The following ST7 variants were observed in gnomAD, a reference collection of about 807,000 sequenced individuals.
ST7 encodes suppression of tumorigenicity 7, also known as suppressor of tumorigenicity 7 protein.
Under a neutral mutation model 78.7 loss-of-function variants are expected in ST7, and 28 were observed. The ratio of observed to expected loss-of-function variants is 0.36; its 90% CI spans 0.26 to 0.49. The LOEUF is 0.49. Among genes scored for constraint, ST7 ranks in the 20% least tolerant of loss-of-function variants. ST7 has a pLI of 0.99. For missense variants in ST7, 418 were observed against 696.0 expected (o/e 0.60, Z 4.49); for synonymous variants, 247 against 249.6 (o/e 0.99, Z 0.10).
At chr7:117,220,643 C>T (rs1352288198) in intron 14 of ST7, among the ~76,000 whole-genome samples, 4 of 152,186 alleles carry the variant, frequency 2.6e-5, no homozygotes, top group African/African-American at 9.6e-5. Flanking sequence ...TAATTGAATG[C>T]AGTGCTCCAA....
intron 13 of ST7, among the ~76,000 whole-genome samples, chr7:117,218,051 A>T (rs1792824104): frequency 6.6e-6 from 1 of 152,234 alleles, no homozygotes; most frequent in Non-Finnish European, 1.5e-5. Flanking sequence ...TATGCAAAAG[A>T]TAAATATGTA....
intron 9 of ST7, among the ~76,000 whole-genome samples, chr7:117,141,148 G>A (rs575262987): frequency 6.6e-6 from 1 of 152,306 alleles, no homozygotes; most frequent in African/African-American, 2.4e-5. Context: ...CCTGCTGATA[G>A]AGGCTTAGGC....
chr7:117,157,985 A>T lies in ST7; in HGVS notation c.964-12877A>T, dbSNP rs144336775. Among the ~76,000 whole-genome samples, 596 of 152,356 alleles carry T rather than the reference A, an allele frequency of 3.9e-3. 11 individuals are homozygous for T. The highest frequency in any genetic ancestry group is 0.033 in the Admixed American group (499 of 15,310). On this transcript the variant is annotated intron_variant, in intron 9 of 15. Transcript: ENST00000323984. ...AAATCGTTCTTTTCCCCAAGACAGCATGAGACCAGCTTCTTTCCTGCCCTC... is the reference window on the plus strand; with the variant it reads ...AAATCGTTCTTTTCCCCAAGACAGCTTGAGACCAGCTTCTTTCCTGCCCTC...
At chr7:116,986,562 A>C (rs1242036338) in intron 1 of ST7, among the ~76,000 whole-genome samples, 1 of 152,228 alleles carries the variant, frequency 6.6e-6, no homozygotes, top group Non-Finnish European at 1.5e-5. Context: ...TTATTATTTA[A>C]AAAAATCACT....
chr7:117,020,489 C>G (rs1302738659), intron 1 of ST7: 1 of 1,244,856 alleles, frequency 8.0e-7, no homozygotes, highest in East Asian at 2.5e-5. Context: ...GCTTCATGAC[C>G]CCTGCTGTGT....
intron 1 of ST7, among the ~76,000 whole-genome samples, chr7:117,001,100 G>A (rs1463406373): frequency 6.6e-6 from 1 of 152,204 alleles, no homozygotes; most frequent in African/African-American, 2.4e-5. Context: ...AGCAGCAGCA[G>A]TGAAACCGGC....
chr7:117,047,454 G>A (rs1584516497), intron 1 of ST7, among the ~76,000 whole-genome samples: 1 of 152,178 alleles, frequency 6.6e-6, no homozygotes, highest in South Asian at 2.1e-4. Context: ...CTGTCTGGAG[G>A]GCCCTTTGAT....
chr7:117,138,389 ATT>A (rs753380207), intron 8 of ST7, 44 bp from the exon 9 acceptor site: 5,471 of 1,089,410 alleles, frequency 5.0e-3, no homozygotes, highest in South Asian at 7.5e-3. Flanking sequence ...GGGCCTCTGT[ATT>A]TTTTTTTTTT....
At position 117,152,177 on chromosome 7, in the gene ST7, C is replaced by CTATATATA. The variant is rs58892731; in HGVS notation, c.963+13684_963+13691dup. On this transcript the variant is annotated intron_variant, in intron 9 of 15. Transcript: ENST00000323984. ...AATATATGTATTATATATATAAAAA[C>CTATATATA]TATATATATATATATATATATATAT... Among the ~76,000 whole-genome samples, 122 of 66,800 alleles carry CTATATATA rather than the reference C, an allele frequency of 1.8e-3. 2 individuals are homozygous for CTATATATA. The highest frequency in any genetic ancestry group is 2.9e-3 in the South Asian group (4 of 1,356). 43.8% of individuals were successfully genotyped at this position (66,800 alleles called of 152,430 possible).
At chr7:116,963,849 T>C (rs1792962854) in intron 1 of ST7, among the ~76,000 whole-genome samples, 1 of 152,066 alleles carries the variant, frequency 6.6e-6, no homozygotes, top group South Asian at 2.1e-4. Context: ...GCCAGGGTGG[T>C]CTCAAACTCC....
rs191131124 is a variant in ST7 at position 117,191,308 on chromosome 7, T to A, written c.1254+372T>A. ...TAAATGTTGTTGTGAATAAAACTGG[T>A]AAAAAAAAAATACTAATGTGGCATT... On this transcript the variant is annotated intron_variant, in intron 12 of 15. Transcript: ENST00000323984. 3.4e-3 allele frequency among the ~76,000 whole-genome samples: 502 copies of A among 149,428 alleles called. 11 individuals carry two copies. The highest frequency in any genetic ancestry group is 1.1e-3 in the Non-Finnish European group (74 of 67,252).
Position 116,967,557 on chromosome 7 carries a change from G to A in ST7, c.151+13866G>A, listed in dbSNP as rs187356854. 1.3e-4 allele frequency: 46 copies of A among 360,256 alleles called. No individual in the cohort carries two copies. The Admixed American group carries it at 1.4e-3, about 11-fold the overall frequency. The allele number at this position is 360,256 out of a possible 1,614,324, so 22.3% of individuals were successfully genotyped here. A position where few individuals can be genotyped will look rare whatever the true frequency, so the allele number is the denominator to read the frequency against. ...TTCCATTCTTGAATTACTGACCTGCGATAAAAAATGATGGCGCCCTTACCA... is the reference window on the plus strand; with the variant it reads ...TTCCATTCTTGAATTACTGACCTGCAATAAAAAATGATGGCGCCCTTACCA... On this transcript the variant is annotated intron_variant, in intron 1 of 15. Coordinates refer to ENST00000323984, the MANE Select transcript of ST7 (RefSeq NM_001369598.1).
At chr7:117,132,092 T>C in intron 6 of ST7, 132 bp downstream of exon 6, 1 of 905,414 alleles carries the variant, frequency 1.1e-6, no homozygotes, top group South Asian at 1.9e-5. Context: ...TATTACTCTA[T>C]TTAAAAAAGT....
intron 1 of ST7, among the ~76,000 whole-genome samples, chr7:117,087,914 C>G (rs565728406): frequency 3.3e-5 from 5 of 152,124 alleles, no homozygotes; most frequent in Non-Finnish European, 5.9e-5. Flanking sequence ...CACACTCTAC[C>G]CCATTGCTAC....
chr7:117,102,619 ACTT>A (rs1801648043), intron 2 of ST7, among the ~76,000 whole-genome samples: 1 of 152,190 alleles, frequency 6.6e-6, no homozygotes, highest in Non-Finnish European at 1.5e-5. Context: ...GAGGCAATAT[ACTT>A]ATTATTTAGA....
chr7:117,010,929 G>C (rs1393276906), intron 1 of ST7, among the ~76,000 whole-genome samples: 1 of 152,166 alleles, frequency 6.6e-6, no homozygotes, highest in African/African-American at 2.4e-5. Context: ...GAGAAAGAGA[G>C]GAGAGCTATG....
chr7:117,167,399 A>C (rs1179493424), intron 9 of ST7, among the ~76,000 whole-genome samples: 1 of 151,714 alleles, frequency 6.6e-6, no homozygotes, highest in Admixed American at 6.6e-5. Flanking sequence ...GGCTGTAGGG[A>C]GAAGAGGGTG....
Position 117,108,840 on chromosome 7 carries a change from TA to T in ST7, c.234+8997del, listed in dbSNP as rs557254190. Among the ~76,000 whole-genome samples, 80 of 152,328 alleles carry T rather than the reference TA, an allele frequency of 5.3e-4. 1 individual carries two copies. The highest frequency in any genetic ancestry group is 1.8e-3 in the African/African-American group (75 of 41,574). Reference sequence around the variant, plus strand: ...TTAAGTGTATTCCTAAGTATTTTTTTATTTTTTTATTTTTACAGCTACTGTA... The same window carrying T: ...TTAAGTGTATTCCTAAGTATTTTTTTTTTTTTTATTTTTACAGCTACTGTA... On this transcript the variant is annotated intron_variant, in intron 2 of 15. Transcript: ENST00000323984.
At chr7:117,043,080 A>ATG in intron 1 of ST7, among the ~76,000 whole-genome samples, 1 of 152,338 alleles carries the variant, frequency 6.6e-6, no homozygotes, top group East Asian at 1.9e-4. Context: ...TTTAGAACTA[A>ATG]TGTAATCCAT....
Sources: gnomAD v4.1 joint callset for allele counts (sites outside exome capture counted in the v4.1 genomes callset) on GRCh38, gnomAD v4.1.1 for gene constraint, MANE v1.5 for transcripts, NCBI Gene and HGNC (gene_info 2026-07-23, HGNC 2026-07-21) for gene names.